PCDHGA9: variants seen among roughly 807,000 people sequenced by gnomAD.
PCDHGA9 encodes protocadherin gamma subfamily A, 9.
In PCDHGA9, 37 loss-of-function variants were observed where a neutral mutation model predicts 62.5. That is an observed-to-expected ratio of 0.59 (90% CI 0.46 to 0.78). The LOEUF is 0.78. Among genes scored for constraint, PCDHGA9 ranks in the 30% least tolerant of loss-of-function variants. The probability of loss-of-function intolerance (pLI) is 0.00; values close to 1 mark genes in which losing one functional copy is unlikely to be tolerated. For synonymous variants in PCDHGA9, 459 were observed against 484.6 expected (o/e 0.95, Z 0.69); for missense variants, 1,138 against 1,166.2 (o/e 0.98, Z 0.35).
intron 1 of PCDHGA9, among the ~76,000 whole-genome samples, chr5:141,463,911 T>C (rs749224024): frequency 6.6e-6 from 1 of 152,156 alleles, no homozygotes; most frequent in African/African-American, 2.4e-5. Context: ...TAATAATATA[T>C]CCTGGAAATC....
intron 1 of PCDHGA9, among the ~76,000 whole-genome samples, chr5:141,484,170 A>G (rs962978452): frequency 6.6e-6 from 1 of 152,210 alleles, no homozygotes; most frequent in Non-Finnish European, 1.5e-5. Context: ...TTGGTAGCTG[A>G]TCTCAATCAT....
At chr5:141,443,126 A>G (rs972396091) in intron 1 of PCDHGA9, among the ~76,000 whole-genome samples, 1 of 152,190 alleles carries the variant, frequency 6.6e-6, no homozygotes, top group Non-Finnish European at 1.5e-5. Context: ...AACCAGATTA[A>G]GAACACTATC....
chr5:141,429,861 A>C (rs1483953460), intron 1 of PCDHGA9, among the ~76,000 whole-genome samples: 1 of 152,226 alleles, frequency 6.6e-6, no homozygotes, highest in Non-Finnish European at 1.5e-5. Flanking sequence ...TCTTTGGACT[A>C]CCAATTTTCT....
Position 141,476,064 on chromosome 5 carries a change from C to T in PCDHGA9, c.2425-18743C>T, listed in dbSNP as rs1593605493. On this transcript the variant is annotated intron_variant, in intron 1 of 3. Transcript: ENST00000573521. The surrounding 1 kb of genome is among the most constrained non-coding windows in gnomAD (Gnocchi z 7.6). Reference sequence around the variant, plus strand: ...CGCTAACCCGCTGAAAGTTTCTCAGCGAAATCTCAGGGACGATCTGGACCC... The same window carrying T: ...CGCTAACCCGCTGAAAGTTTCTCAGTGAAATCTCAGGGACGATCTGGACCC... 2.0e-6 allele frequency: 3 copies of T among 1,510,080 alleles called. No homozygotes were observed. In the East Asian group the frequency reaches 6.8e-5, roughly 34 times the overall value. 93.5% of individuals were successfully genotyped at this position (1,510,080 alleles called of 1,614,324 possible). A position where few individuals can be genotyped will look rare whatever the true frequency, so the allele number is the denominator to read the frequency against.
At position 141,486,765 on chromosome 5, in the gene PCDHGA9, T is replaced by C; in HGVS notation, c.2425-8042T>C. On this transcript the variant is annotated intron_variant, in intron 1 of 3. Transcript: ENST00000573521. This position sits in a 1 kb window ranked among gnomAD's most constrained non-coding sequence, Gnocchi z 5.0. ...TTTGACTATGAGCAAACCCAGACACTGCAGTTTGAGGTGCAGGCCCGGGAT... is the reference window on the plus strand; with the variant it reads ...TTTGACTATGAGCAAACCCAGACACCGCAGTTTGAGGTGCAGGCCCGGGAT... 4 of 1,614,230 alleles carry C rather than the reference T, an allele frequency of 2.5e-6. No individual in the cohort carries two copies. Among genetic ancestry groups the C allele is most frequent in the Non-Finnish European group, 3.4e-6 (4 of 1,180,038 alleles).
At chr5:141,447,657 C>A (rs997179275) in intron 1 of PCDHGA9, among the ~76,000 whole-genome samples, 4 of 152,088 alleles carry the variant, frequency 2.6e-5, no homozygotes, top group Non-Finnish European at 4.4e-5. Context: ...TTTTCCCCCC[C>A]AGGAAGTTAG....
Position 141,403,053 on chromosome 5 carries a change from C to T in PCDHGA9, c.101C>T (p.Ser34Leu), listed in dbSNP as rs754618954. The change falls in exon 1 of 4, where the codon TCA (serine) becomes TTA (leucine). Residue 34 changes from serine to leucine, a missense_variant. Coordinates refer to ENST00000573521, the MANE Select transcript of PCDHGA9 (RefSeq NM_018921.3). ...GCCAGGGCCAGTCAGATTCGCTACT[C>T]AGTGCCTGAAGAGACAGAAAAGGGC... ...WEARASQIRY[S>L]VPEETEKGYI... is the part of the protein sequence containing the mutation. 2 of 1,614,076 alleles carry T rather than the reference C, an allele frequency of 1.2e-6. No homozygotes were observed. Among genetic ancestry groups the T allele is most frequent in the Non-Finnish European group, 1.7e-6 (2 of 1,179,912 alleles).
At chr5:141,466,684 G>A (rs1337230884) in intron 1 of PCDHGA9, among the ~76,000 whole-genome samples, 1 of 152,034 alleles carries the variant, frequency 6.6e-6, no homozygotes, top group Non-Finnish European at 1.5e-5. Flanking sequence ...TTCCACTCAA[G>A]CTTCATCATA....
In PCDHGA9 at chr5:141,417,067, A is replaced by G. The variant is rs1008801110; in HGVS notation, c.2424+11691A>G. The stretch of plus-strand genomic sequence containing the variant: ...AAAAACTGCTCTTGACATTGTAGCT[A>G]TTGTGAGAAAATATTTTGATTATAA... On this transcript the variant is annotated intron_variant, in intron 1 of 3. Coordinates refer to ENST00000573521, the MANE Select transcript of PCDHGA9 (RefSeq NM_018921.3). 2.0e-5 allele frequency: 3 copies of G among 152,102 alleles called. No homozygotes were observed. The South Asian group carries it at 6.2e-4, about 31-fold the overall frequency. 9.4% of individuals were successfully genotyped at this position (152,102 alleles called of 1,614,324 possible).
At chr5:141,479,842 G>A (rs1167563746) in intron 1 of PCDHGA9, among the ~76,000 whole-genome samples, 3 of 152,172 alleles carry the variant, frequency 2.0e-5, no homozygotes, top group African/African-American at 7.2e-5. Context: ...TCCATGCAAG[G>A]TGACTGCAAG....
At chr5:141,499,779 C>T (rs1450026011) in intron 2 of PCDHGA9, among the ~76,000 whole-genome samples, 3 of 151,452 alleles carry the variant, frequency 2.0e-5, no homozygotes, top group Non-Finnish European at 4.4e-5. Flanking sequence ...CTTCGCCTCC[C>T]GGGTTCAAGC....
At position 141,486,408 on chromosome 5, in the gene PCDHGA9, C is replaced by G; in HGVS notation, c.2425-8399C>G. The G allele has an allele frequency of 1.2e-6, 2 of 1,614,156 alleles. No homozygotes were observed. The highest frequency in any genetic ancestry group is 1.7e-6 in the Non-Finnish European group (2 of 1,180,014). Reference sequence around the variant, plus strand: ...CAGTTCTCCCTGGTGACTGCTGGACCCTTGGATCGAGAGGCCAAATCTAGC... The same window carrying G: ...CAGTTCTCCCTGGTGACTGCTGGACGCTTGGATCGAGAGGCCAAATCTAGC... On this transcript the variant is annotated intron_variant, in intron 1 of 3. Transcript: ENST00000573521. This position sits in a 1 kb window ranked among gnomAD's most constrained non-coding sequence, Gnocchi z 5.0.
chr5:141,408,058 G>A, intron 1 of PCDHGA9: 1 of 1,316,270 alleles, frequency 7.6e-7, no homozygotes. Flanking sequence ...GAGCCTCCCG[G>A]CTGCGCAGAC....
rs1382764259 is a variant in PCDHGA9 at position 141,478,383 on chromosome 5, T to G, written c.2425-16424T>G. 2.5e-6 allele frequency: 4 copies of G among 1,613,630 alleles called. No individual in the cohort carries two copies. In the Admixed American group the frequency reaches 6.7e-5, roughly 27 times the overall value. Reference sequence around the variant, plus strand: ...CGGGGAGGCCTGATGTCGCCGCACCTTTACCATCAGGTGTATCTCACCACG... The same window carrying G: ...CGGGGAGGCCTGATGTCGCCGCACCGTTACCATCAGGTGTATCTCACCACG... On this transcript the variant is annotated intron_variant, in intron 1 of 3. Coordinates refer to ENST00000573521, the MANE Select transcript of PCDHGA9 (RefSeq NM_018921.3).
intron 1 of PCDHGA9, chr5:141,418,083 T>C: frequency 6.2e-7 from 1 of 1,614,068 alleles, no homozygotes; most frequent in Non-Finnish European, 8.5e-7. Context: ...AAGCTGCACT[T>C]CAGCGTAGAC....
At chr5:141,452,742 G>C (rs779371001) in intron 1 of PCDHGA9, among the ~76,000 whole-genome samples, 7 of 152,010 alleles carry the variant, frequency 4.6e-5, no homozygotes, top group Non-Finnish European at 8.8e-5. Context: ...GGAAGAGAGA[G>C]AAGGAAGAAG....
chr5:141,494,546 G>T (rs984336435), intron 1 of PCDHGA9, among the ~76,000 whole-genome samples: 1 of 152,152 alleles, frequency 6.6e-6, no homozygotes, highest in African/African-American at 2.4e-5. Context: ...GGAGGAAGGG[G>T]CCATTTCTTT....
At chr5:141,481,216 G>T (rs2099534005) in intron 1 of PCDHGA9, among the ~76,000 whole-genome samples, 3 of 152,110 alleles carry the variant, frequency 2.0e-5, no homozygotes, top group Admixed American at 6.5e-5. Flanking sequence ...ACATGGTAAG[G>T]TCTCCCAGCC....
At chr5:141,409,952 C>T (rs892751686) in intron 1 of PCDHGA9, 2 of 1,613,232 alleles carry the variant, frequency 1.2e-6, no homozygotes, top group Non-Finnish European at 1.7e-6. Context: ...CTCTGCAGAG[C>T]CCGGCTACCT....
Sources: gnomAD v4.1 joint callset for allele counts (sites outside exome capture counted in the v4.1 genomes callset) on GRCh38, gnomAD v4.1.1 for gene constraint, Gnocchi (gnomAD v3.1) non-coding constraint, MANE v1.5 for transcripts, NCBI Gene and HGNC (gene_info 2026-07-23, HGNC 2026-07-21) for gene names.